SLC13A4: variants seen among roughly 807,000 people sequenced by gnomAD.
SLC13A4 encodes the protein solute carrier family 13 member 4.
Under a neutral mutation model 72.7 loss-of-function variants are expected in SLC13A4, and 28 were observed. That is an observed-to-expected ratio of 0.39 (90% CI 0.29 to 0.53). The LOEUF (loss-of-function observed/expected upper bound fraction) is 0.53, where lower values mean the gene tolerates loss of function less well. Ranked by LOEUF, SLC13A4 falls within the 20% of genes least tolerant of loss-of-function variation. The probability of loss-of-function intolerance (pLI) is 0.78; values close to 1 mark genes in which losing one functional copy is unlikely to be tolerated. For missense variants in SLC13A4, 653 were observed against 788.0 expected (o/e 0.83, Z 2.05); for synonymous variants, 312 against 325.5 (o/e 0.96, Z 0.45).
At chr7:135,686,378 T>C (rs1238476580) in intron 13 of SLC13A4, among the ~76,000 whole-genome samples, 2 of 152,192 alleles carry the variant, frequency 1.3e-5, no homozygotes, top group African/African-American at 4.8e-5. Flanking sequence ...CAGGAATTTT[T>C]TTTTAATTAA....
Position 135,684,180 on chromosome 7 carries a change from C to T in SLC13A4, c.1690G>A (p.Gly564Ser). 3 of 1,612,980 alleles carry T rather than the reference C, an allele frequency of 1.9e-6. No homozygotes were observed. Among genetic ancestry groups the T allele is most frequent in the Non-Finnish European group, 2.5e-6 (3 of 1,179,398 alleles). The change falls in exon 15 of 16, where the codon GGC becomes AGC. Residue 564 changes from glycine to serine, a missense_variant. Coordinates refer to ENST00000682651, the MANE Select transcript of SLC13A4 (RefSeq NM_001318192.2). The stretch of plus-strand genomic sequence containing the variant: ...AAGACGATGGCATTAGGGGGATTGC[C>T]CACAGGCAGCATCACTGCAAAGGAG... ...CISFAVMLPV[G>S]NPPNAIVFSY...
intron 13 of SLC13A4, among the ~76,000 whole-genome samples, chr7:135,689,207 AAATCTTGCCAGGCC>A (rs1388906080): frequency 6.6e-6 from 1 of 152,134 alleles, no homozygotes; most frequent in Non-Finnish European, 1.5e-5. Context: ...AAAAAAAATA[AAATCTTGCCAGGCC>A]AATCTTGTCA....
At chr7:135,685,481 G>C in intron 14 of SLC13A4, 41 bp downstream of exon 14, 1 of 1,594,106 alleles carries the variant, frequency 6.3e-7, no homozygotes. Context: ...CAGGCCCCTG[G>C]GACAGCCTGT....
intron 7 of SLC13A4, 88 bp from the exon 8 acceptor site, chr7:135,699,636 G>A: frequency 1.6e-6 from 2 of 1,213,514 alleles, no homozygotes; most frequent in Non-Finnish European, 1.1e-6. Context: ...TGGTACAGCG[G>A]AAAGGGTTTG....
At chr7:135,697,180 T>C (rs1034800245) in intron 8 of SLC13A4, among the ~76,000 whole-genome samples, 1 of 152,264 alleles carries the variant, frequency 6.6e-6, no homozygotes, top group Non-Finnish European at 1.5e-5. Flanking sequence ...TGGCCCTGTG[T>C]CCCTGTACAG....
At position 135,684,180 on chromosome 7, in the gene SLC13A4, C is replaced by A. The variant is rs1256171325; in HGVS notation, c.1690G>T (p.Gly564Cys). 2.8e-5 allele frequency: 45 copies of A among 1,612,862 alleles called. No individual in the cohort carries two copies. Among genetic ancestry groups the A allele is most frequent in the Non-Finnish European group, 3.6e-5 (43 of 1,179,406 alleles). Reference protein sequence around the residue: ...CISFAVMLPVGNPPNAIVFSY... With the variant: ...CISFAVMLPVCNPPNAIVFSY... ...AAGACGATGGCATTAGGGGGATTGC[C>A]CACAGGCAGCATCACTGCAAAGGAG... is the stretch of plus-strand genomic sequence containing the variant. Residue 564 changes from glycine (G) to cysteine (C), a missense_variant, in exon 15 of 16, where the codon GGC becomes TGC. Gly to Cys is a radical substitution (Grantham distance 159). Coordinates refer to ENST00000682651, the MANE Select transcript of SLC13A4 (RefSeq NM_001318192.2).
intron 11 of SLC13A4, chr7:135,691,929 G>T: frequency 2.3e-6 from 1 of 428,418 alleles, no homozygotes; most frequent in Non-Finnish European, 4.2e-6. Flanking sequence ...AGTGGAGTTG[G>T]TTAGATAAAG....
chr7:135,705,855 C>A, intron 4 of SLC13A4: 1 of 591,356 alleles, frequency 1.7e-6, no homozygotes. Flanking sequence ...CATTTGGGGG[C>A]AAAGAGCAGT....
Position 135,719,853 on chromosome 7 carries a change from A to ATG in SLC13A4, c.228+1540_228+1541dup, listed in dbSNP as rs532247877. Among the ~76,000 whole-genome samples the ATG allele has an allele frequency of 2.1e-3, 296 of 144,164 alleles. 2 individuals carry two copies. The highest frequency in any genetic ancestry group is 6.1e-3 in the African/African-American group (239 of 39,294). 94.6% of individuals were successfully genotyped at this position (144,164 alleles called of 152,430 possible). A position where few individuals can be genotyped will look rare whatever the true frequency, so the allele number is the denominator to read the frequency against. ...TATAGCCACACACACGCATATATAT[A>ATG]TGTGTGTACAGATAGATAGATAGAA... On this transcript the variant is annotated intron_variant, in intron 2 of 15. Transcript: ENST00000682651.
At chr7:135,727,376 G>C in intron 1 of SLC13A4, 22 bp downstream of exon 1, 1 of 1,546,344 alleles carries the variant, frequency 6.5e-7, no homozygotes, top group African/African-American at 1.4e-5. Flanking sequence ...CAGACCCCCG[G>C]TGGGCGCAGG....
chr7:135,708,004 T>TA (rs1186020538), intron 3 of SLC13A4, 110 bp downstream of exon 3: 8 of 1,400,782 alleles, frequency 5.7e-6, no homozygotes, highest in Non-Finnish European at 7.8e-6. Context: ...GACCCTTTGG[T>TA]AAAAAAACAG....
chr7:135,718,091 G>A (rs116140615), intron 2 of SLC13A4, among the ~76,000 whole-genome samples: 2,256 of 80,262 alleles, frequency 0.028, 57 homozygotes, highest in African/African-American at 0.14. Context: ...ACACACACGC[G>A]CGCGCGCGCA....
intron 2 of SLC13A4, among the ~76,000 whole-genome samples, chr7:135,720,055 G>A (rs536950142): frequency 2.6e-5 from 4 of 152,186 alleles, no homozygotes; most frequent in Admixed American, 1.3e-4. Context: ...GAAAGACAAA[G>A]TGTTCATTTG....
intron 8 of SLC13A4, among the ~76,000 whole-genome samples, chr7:135,697,938 C>G (rs1795940579): frequency 6.6e-6 from 1 of 152,210 alleles, no homozygotes; most frequent in African/African-American, 2.4e-5. Context: ...GCGAGCTCTC[C>G]CAGCAGGGCT....
chr7:135,697,260 T>C (rs1368726118), intron 8 of SLC13A4, among the ~76,000 whole-genome samples: 1 of 152,262 alleles, frequency 6.6e-6, no homozygotes, highest in Non-Finnish European at 1.5e-5. Flanking sequence ...TAAGCATTAA[T>C]ATTTGCCTTG....
intron 2 of SLC13A4, among the ~76,000 whole-genome samples, chr7:135,712,885 C>T (rs1201744192): frequency 6.6e-6 from 1 of 152,188 alleles, no homozygotes; most frequent in Non-Finnish European, 1.5e-5. Flanking sequence ...ATCAACAGAG[C>T]CTGTGCATTC....
intron 15 of SLC13A4, among the ~76,000 whole-genome samples, chr7:135,682,555 C>T (rs1340002841): frequency 6.6e-6 from 1 of 152,234 alleles, no homozygotes; most frequent in Admixed American, 6.5e-5. Context: ...CTCCTGCCGT[C>T]TGGTCGGGGC....
In SLC13A4 at chr7:135,684,158, A is replaced by C; in HGVS notation, c.1712T>G (p.Val571Gly). ...GATCTGGCAGTGCCCATAGCTGAAG[A>C]CGATGGCATTAGGGGGATTGCCCAC... ...LPVGNPPNAI[V>G]FSYGHCQIKD... Residue 571 changes from valine (V) to glycine (G), a missense_variant, in exon 15 of 16, where the codon GTC (valine) becomes GGC (glycine). Transcript: ENST00000682651. The C allele has an allele frequency of 1.2e-6, 2 of 1,612,726 alleles. No homozygotes were observed. Among genetic ancestry groups the C allele is most frequent in the South Asian group, 1.1e-5 (1 of 90,796 alleles).
intron 2 of SLC13A4, among the ~76,000 whole-genome samples, chr7:135,717,087 C>T (rs1194727446): frequency 6.6e-6 from 1 of 152,224 alleles, no homozygotes; most frequent in Admixed American, 6.5e-5. Context: ...GCGCATCCAA[C>T]TTAGCCATCT....
Sources: gnomAD v4.1 joint callset for allele counts (sites outside exome capture counted in the v4.1 genomes callset) on GRCh38, gnomAD v4.1.1 for gene constraint, MANE v1.5 for transcripts, NCBI Gene and HGNC (gene_info 2026-07-23, HGNC 2026-07-21) for gene names.